The following DAPK1 variants were observed in gnomAD, a reference collection of about 807,000 sequenced individuals.
The protein encoded by DAPK1 is death-associated protein kinase 1.
Under a neutral mutation model 144.9 loss-of-function variants are expected in DAPK1, and 56 were observed. The observed-to-expected ratio is 0.39, with a 90% CI of 0.31 to 0.48. DAPK1 has a LOEUF of 0.48. Ranked by LOEUF, DAPK1 falls within the 20% of genes least tolerant of loss-of-function variation. DAPK1 has a pLI of 0.95. For missense variants in DAPK1, 1,454 were observed against 1,875.4 expected (o/e 0.78, Z 4.15); for synonymous variants, 690 against 749.0 (o/e 0.92, Z 1.29).
intron 2 of DAPK1, among the ~76,000 whole-genome samples, chr9:87,548,430 G>T (rs1307023290): frequency 6.6e-6 from 1 of 152,088 alleles, no homozygotes; most frequent in Non-Finnish European, 1.5e-5. Context: ...CCACTTTGTG[G>T]ACTACATTTC....
At position 87,672,650 on chromosome 9, in the gene DAPK1, C is replaced by T. The variant is rs536323197; in HGVS notation, c.2001+3976C>T. ...TCATCATCCCTCAGTGGGCTCTTGA[C>T]GTTAGCCCCTGATTAGCCATAATGG... On this transcript the variant is annotated intron_variant, in intron 19 of 25. Transcript: ENST00000408954. Among the ~76,000 whole-genome samples the T allele has an allele frequency of 1.1e-4, 17 of 152,286 alleles. 1 individual carries two copies. The highest frequency in any genetic ancestry group is 2.6e-4 in the Admixed American group (4 of 15,302).
Position 87,649,914 on chromosome 9 carries a change from T to C in DAPK1, c.1429-7T>C. 2 of 1,614,024 alleles carry C rather than the reference T, an allele frequency of 1.2e-6. No individual in the cohort carries two copies. The highest frequency in any genetic ancestry group is 1.7e-6 in the Non-Finnish European group (2 of 1,179,870). On this transcript the variant is annotated splice_region_variant and splice_polypyrimidine_tract_variant and intron_variant, in intron 15 of 25. Coordinates refer to ENST00000408954, the MANE Select transcript of DAPK1 (RefSeq NM_004938.4). Reference sequence around the variant, plus strand: ...CTCCTCCTCTCTGTACTCGTCTCCTTGGCCAGGAAGAAGAAACCCCCCTGC... The same window carrying C: ...CTCCTCCTCTCTGTACTCGTCTCCTCGGCCAGGAAGAAGAAACCCCCCTGC...
intron 3 of DAPK1, among the ~76,000 whole-genome samples, chr9:87,609,181 A>G (rs1278074759): frequency 1.3e-5 from 2 of 152,196 alleles, no homozygotes; most frequent in Non-Finnish European, 2.9e-5. Flanking sequence ...CTGAAGCATC[A>G]GCTCTTCCTG....
intron 16 of DAPK1, among the ~76,000 whole-genome samples, chr9:87,651,039 G>T (rs1830426573): frequency 6.6e-6 from 1 of 152,138 alleles, no homozygotes; most frequent in African/African-American, 2.4e-5. Context: ...GTTTTTCATG[G>T]GATGCAGAGG....
intron 24 of DAPK1, among the ~76,000 whole-genome samples, chr9:87,701,065 T>C (rs1448606908): frequency 2.0e-5 from 3 of 152,198 alleles, no homozygotes; most frequent in Admixed American, 6.5e-5. Context: ...AAAAATTCAT[T>C]AAACCTATTA....
chr9:87,535,697 A>G (rs1825836969), intron 2 of DAPK1, among the ~76,000 whole-genome samples: 1 of 152,196 alleles, frequency 6.6e-6, no homozygotes, highest in African/African-American at 2.4e-5. Flanking sequence ...GTGATTCATA[A>G]ACTTTCTAAA....
At chr9:87,668,710 C>G in intron 19 of DAPK1, 36 bp downstream of exon 19, 1 of 921,930 alleles carries the variant, frequency 1.1e-6, no homozygotes. Flanking sequence ...AGTTCTCTAC[C>G]TGTGTTTATG....
Position 87,639,671 on chromosome 9 carries a change from A to G in DAPK1, c.575A>G (p.Glu192Gly). The change falls in exon 6 of 26, where the codon GAA becomes GGA. Residue 192 changes from glutamate (E) to glycine (G), a missense_variant. Physicochemically the swap from Glu to Gly is moderately conservative, Grantham distance 98. Transcript: ENST00000408954. ...EFVAPEIVNY[E>G]PLGLEADMWS... Reference sequence around the variant, plus strand: ...TTAGCTCCTGAGATAGTCAACTATGAACCTCTTGGTCTTGAGGCAGATATG... The same window carrying G: ...TTAGCTCCTGAGATAGTCAACTATGGACCTCTTGGTCTTGAGGCAGATATG... 1.2e-6 allele frequency: 2 copies of G among 1,614,200 alleles called. No individual in the cohort carries two copies. Among genetic ancestry groups the G allele is most frequent in the Non-Finnish European group, 1.7e-6 (2 of 1,180,026 alleles).
chr9:87,705,675 C>T (rs1825611724), intron 25 of DAPK1, among the ~76,000 whole-genome samples: 2 of 152,196 alleles, frequency 1.3e-5, no homozygotes, highest in Non-Finnish European at 2.9e-5. Context: ...TATTTTCCCA[C>T]ATAACCCAAT....
intron 1 of DAPK1, chr9:87,498,681 G>C: frequency 2.5e-6 from 1 of 393,528 alleles, no homozygotes; most frequent in South Asian, 1.2e-4. Flanking sequence ...GGGGAGGCGG[G>C]GAGGCCAGTC....
At chr9:87,595,142 T>C (rs1269547793) in intron 2 of DAPK1, among the ~76,000 whole-genome samples, 2 of 152,184 alleles carry the variant, frequency 1.3e-5, no homozygotes, top group African/African-American at 2.4e-5. Flanking sequence ...CCAAGAAAAC[T>C]GGACTTCAGA....
At position 87,643,605 on chromosome 9, in the gene DAPK1, G is replaced by C. The variant is rs1177444409; in HGVS notation, c.1011+137G>C. ...GCTTATTCTTGATCCCCTCGGAGGGGTTTGGGGGTGCTGATTGATGCACCC... is the reference window on the plus strand; with the variant it reads ...GCTTATTCTTGATCCCCTCGGAGGGCTTTGGGGGTGCTGATTGATGCACCC... On this transcript the variant is annotated intron_variant, in intron 11 of 25. Coordinates refer to ENST00000408954, the MANE Select transcript of DAPK1 (RefSeq NM_004938.4). The C allele has an allele frequency of 8.2e-6, 5 of 608,550 alleles. No individual in the cohort carries two copies. The East Asian group carries it at 1.4e-4, about 17-fold the overall frequency. 37.7% of individuals were successfully genotyped at this position (608,550 alleles called of 1,614,324 possible).
chr9:87,529,233 A>G (rs1375683609), intron 2 of DAPK1, among the ~76,000 whole-genome samples: 1 of 152,178 alleles, frequency 6.6e-6, no homozygotes, highest in Non-Finnish European at 1.5e-5. Flanking sequence ...TTTCTGCTCT[A>G]GCGCTTTTCA....
intron 17 of DAPK1, among the ~76,000 whole-genome samples, chr9:87,655,310 G>A (rs181605218): frequency 2.6e-5 from 4 of 152,240 alleles, no homozygotes; most frequent in Admixed American, 6.5e-5. Flanking sequence ...CTGACTTTGG[G>A]GATCTCACAG....
rs1564067868 is a variant in DAPK1, at chr9:87,681,515, G to C, written c.2113G>C (p.Glu705Gln). The C allele has an allele frequency of 6.2e-7, 1 of 1,610,200 alleles. No homozygotes were observed. The highest frequency in any genetic ancestry group is 1.3e-5 in the African/African-American group (1 of 74,826). The change falls in exon 20 of 26, where the codon GAA becomes CAA. Residue 705 changes from glutamate (E) to glutamine (Q), a missense_variant. Glu to Gln is a conservative substitution (Grantham distance 29). Transcript: ENST00000408954. ...GGGATCCGGGAAAACCACCCTTGTA[G>C]AATCTCTCAAGTGTGGGCTGCTGAG... ...HSGSGKTTLV[E>Q]SLKCGLLRSF...
intron 18 of DAPK1, among the ~76,000 whole-genome samples, chr9:87,661,820 C>T: frequency 6.6e-6 from 1 of 152,236 alleles, no homozygotes; most frequent in Middle Eastern, 3.4e-3. Flanking sequence ...TGTGCAGAAG[C>T]TTTTAGTTTA....
intron 2 of DAPK1, among the ~76,000 whole-genome samples, chr9:87,549,407 A>G (rs1025579450): frequency 2.0e-5 from 3 of 152,178 alleles, no homozygotes; most frequent in African/African-American, 7.2e-5. Flanking sequence ...ACATACCCAT[A>G]CGTGTATCTT....
At chr9:87,587,626 G>A (rs773906368) in intron 2 of DAPK1, among the ~76,000 whole-genome samples, 3 of 152,220 alleles carry the variant, frequency 2.0e-5, no homozygotes, top group Non-Finnish European at 4.4e-5. Context: ...CAAGACGTGG[G>A]AATTGGTCAT....
intron 3 of DAPK1, among the ~76,000 whole-genome samples, chr9:87,623,828 C>T (rs1030398511): frequency 1.3e-5 from 2 of 152,106 alleles, no homozygotes; most frequent in Non-Finnish European, 2.9e-5. Context: ...ACATCCACCT[C>T]TGTAGAAAGC....
Sources: gnomAD v4.1 joint callset for allele counts (sites outside exome capture counted in the v4.1 genomes callset) on GRCh38, gnomAD v4.1.1 for gene constraint, MANE v1.5 for transcripts, NCBI Gene and HGNC (gene_info 2026-07-23, HGNC 2026-07-21) for gene names.